The following GAS6 variants were observed in gnomAD, a reference collection of about 807,000 sequenced individuals.
The protein encoded by GAS6 is growth arrest-specific protein 6.
Under a neutral mutation model 75.8 loss-of-function variants are expected in GAS6, and 41 were observed. The ratio of observed to expected loss-of-function variants is 0.54; its 90% confidence interval spans 0.42 to 0.70. GAS6 has a LOEUF of 0.70. Among genes scored for constraint, GAS6 ranks in the 30% least tolerant of loss-of-function variants. The pLI is 0.00. For missense variants in GAS6, 854 were observed against 940.2 expected, an observed-to-expected ratio of 0.91 and a Z score of 1.20; for synonymous variants, 432 against 412.6, an observed-to-expected ratio of 1.05 and a Z score of -0.57.
chr13:113,837,928 G>A lies in GAS6; in HGVS notation c.589+141C>T. ...CCTGTGCTGCGGCTGGCCTGGGCTT[G>A]TGTAGTCTCTGCAGGATGCCCCATC... On this transcript the variant is annotated intron_variant, in intron 6 of 14. Coordinates refer to ENST00000327773, the MANE Select transcript of GAS6 (RefSeq NM_000820.4). This position sits in a 1 kb window ranked among gnomAD's most constrained non-coding sequence, Gnocchi z 5.1. The A allele has an allele frequency of 1.0e-6, 1 of 976,358 alleles. No homozygotes were observed. Among genetic ancestry groups the A allele is most frequent in the Non-Finnish European group, 1.5e-6 (1 of 658,028 alleles). 60.5% of individuals were successfully genotyped at this position (976,358 alleles called of 1,614,324 possible).
rs142920069 is a variant in GAS6, at chr13:113,834,649, G to A, written c.736C>T (p.Arg246Cys). Residue 246 changes from arginine (R) to cysteine (C), a missense_variant, in exon 8 of 15, where the codon CGC (arginine) becomes TGC (cysteine). By Grantham distance (180) the Arg-to-Cys change is radical (BLOSUM62 -3). Coordinates refer to ENST00000327773, the MANE Select transcript of GAS6 (RefSeq NM_000820.4). Reference protein sequence around the residue: ...CRDVDECLQGRCEQVCVNSPG... With the variant: ...CRDVDECLQGCCEQVCVNSPG... ...GAGTTCACGCAGACCTGCTCACAGC[G>A]GCCCTGCAGACACTCGTCCACATCT... 143 of 1,595,966 alleles carry A rather than the reference G, an allele frequency of 9.0e-5. No homozygotes were observed. The highest frequency in any genetic ancestry group is 1.9e-4 in the Admixed American group (11 of 57,992).
chr13:113,843,424 A>C (rs2051807162), intron 4 of GAS6: 1 of 151,172 alleles, frequency 6.6e-6, no homozygotes, highest in African/African-American at 2.5e-5. Context: ...GCCCGAGGGA[A>C]GGGCGAGGGG....
At chr13:113,829,888 CT>C (rs1336333116) in intron 10 of GAS6, among the ~76,000 whole-genome samples, 1 of 151,412 alleles carries the variant, frequency 6.6e-6, no homozygotes, top group African/African-American at 2.4e-5. Context: ...GGGAGACCCC[CT>C]GATCCACACC....
chr13:113,833,335 C>G lies in GAS6; in HGVS notation c.835-583G>C, dbSNP rs559481734. 6 of 999,322 alleles carry G rather than the reference C, an allele frequency of 6.0e-6. No homozygotes were observed. In the South Asian group the frequency reaches 2.2e-4, roughly 37 times the overall value. 61.9% of individuals were successfully genotyped at this position (999,322 alleles called of 1,614,324 possible). A position where few individuals can be genotyped will look rare whatever the true frequency, so the allele number is the denominator to read the frequency against. On this transcript the variant is annotated intron_variant, in intron 8 of 14. Coordinates refer to ENST00000327773, the MANE Select transcript of GAS6 (RefSeq NM_000820.4). ...CATGAGGCAGCGAGGCAAAGAACCT[C>G]AAGGCGAGGGCTGGCTGGAAGCCCT...
chr13:113,854,415 C>T (rs1483626525), intron 2 of GAS6, among the ~76,000 whole-genome samples: 1 of 152,244 alleles, frequency 6.6e-6, no homozygotes, highest in Non-Finnish European at 1.5e-5. Context: ...AGACTCGCCC[C>T]GCATGGCAGT....
intron 2 of GAS6, among the ~76,000 whole-genome samples, chr13:113,858,568 T>G: frequency 6.6e-6 from 1 of 151,592 alleles, no homozygotes; most frequent in African/African-American, 2.4e-5. Context: ...TGCCTTTGTG[T>G]GTGCATGTCT....
At chr13:113,856,183 C>T (rs777781100) in intron 2 of GAS6, among the ~76,000 whole-genome samples, 5 of 152,232 alleles carry the variant, frequency 3.3e-5, no homozygotes, top group South Asian at 2.1e-4. Context: ...TCCCCGCAGC[C>T]GCCCTGTGCT....
chr13:113,833,644 G>A lies in GAS6; in HGVS notation c.835-892C>T, dbSNP rs965318512. ...AGGTCGGTGTGACAGGCACCAGTGT[G>A]ACAGGCACCAGTGTGACAGGTCGGT... On this transcript the variant is annotated intron_variant, in intron 8 of 14. Transcript: ENST00000327773. 109 of 1,009,064 alleles carry A rather than the reference G, an allele frequency of 1.1e-4. No individual in the cohort carries two copies. In the African/African-American group the frequency reaches 1.8e-3, roughly 17 times the overall value. 62.5% of individuals were successfully genotyped at this position (1,009,064 alleles called of 1,614,324 possible).
At position 113,834,855 on chromosome 13, in the gene GAS6, T is replaced by C. The variant is rs184750541; in HGVS notation, c.713-183A>G. The stretch of plus-strand genomic sequence containing the variant: ...GGAAAGCTAGGTTGCACCCTCGGCC[T>C]GCTCCTGCCCGGGCTCTTTCTTGAG... On this transcript the variant is annotated intron_variant, in intron 7 of 14. Coordinates refer to ENST00000327773, the MANE Select transcript of GAS6 (RefSeq NM_000820.4). The C allele has an allele frequency of 2.3e-3, 1,164 of 516,628 alleles. 5 individuals carry two copies. The highest frequency in any genetic ancestry group is 2.5e-3 in the Non-Finnish European group (793 of 323,556). The allele number at this position is 516,628 out of a possible 1,614,324, so 32.0% of individuals were successfully genotyped here.
intron 2 of GAS6, among the ~76,000 whole-genome samples, chr13:113,856,952 G>C (rs929423137): frequency 6.6e-6 from 1 of 152,182 alleles, no homozygotes; most frequent in Admixed American, 6.5e-5. Flanking sequence ...CAGCCTGGCC[G>C]AACGTTTGGC....
chr13:113,830,324 G>A (rs941338781), intron 10 of GAS6, among the ~76,000 whole-genome samples: 24 of 152,098 alleles, frequency 1.6e-4, no homozygotes, highest in Non-Finnish European at 2.9e-4. Context: ...TGCTGCGGCC[G>A]CTGTGAGTCA....
rs775336302 is a variant in GAS6 at position 113,820,817 on chromosome 13, G to A, written c.*47C>T. On this transcript the variant is annotated 3_prime_UTR_variant, in exon 15 of 15. Transcript: ENST00000327773. ...GGTGAGGAGCCCCCAGGCTCCTCCC[G>A]GCTGTCTCGGACAGAGACTGAGAAG... The A allele has an allele frequency of 1.1e-5, 18 of 1,569,866 alleles. No homozygotes were observed. The highest frequency in any genetic ancestry group is 2.3e-4 in the Middle Eastern group (1 of 4,384).
chr13:113,852,108 A>C (rs1355060046), intron 2 of GAS6, among the ~76,000 whole-genome samples: 1 of 152,258 alleles, frequency 6.6e-6, no homozygotes, highest in Non-Finnish European at 1.5e-5. Flanking sequence ...CTCTGGCGCA[A>C]CTGTGAGTGG....
Position 113,838,148 on chromosome 13 carries a change from G to C in GAS6, c.510C>G (p.Ile170Met), listed in dbSNP as rs1484376406. ...CSQENGGCLQICHNKPGSFHC... is the reference protein window; with the variant it reads ...CSQENGGCLQMCHNKPGSFHC... ...GGAAGCTACCCGGCTTGTTGTGGCA[G>C]ATCTGGAGGCAGCCCCCGTTCTCCT... is the stretch of plus-strand genomic sequence containing the variant. Residue 170 changes from isoleucine to methionine, a missense_variant, in exon 6 of 15, where the codon ATC becomes ATG. Ile to Met is a conservative substitution (Grantham distance 10). Transcript: ENST00000327773. 3 of 1,612,966 alleles carry C rather than the reference G, an allele frequency of 1.9e-6. No individual in the cohort carries two copies. The African/African-American group carries it at 4.0e-5, about 21-fold the overall frequency.
intron 6 of GAS6, chr13:113,835,969 G>A (rs1417429117): frequency 1.2e-5 from 13 of 1,089,978 alleles, no homozygotes; most frequent in East Asian, 1.1e-4. Context: ...ACACGGGGCC[G>A]TAAAAAGTAA....
chr13:113,858,647 CT>C (rs2051936202), intron 2 of GAS6, among the ~76,000 whole-genome samples: 1 of 133,168 alleles, frequency 7.5e-6, no homozygotes, highest in Non-Finnish European at 1.6e-5. Flanking sequence ...GTGTTTGTGA[CT>C]GTATGTGTAC....
chr13:113,856,635 G>A (rs2051917222), intron 2 of GAS6, among the ~76,000 whole-genome samples: 1 of 152,200 alleles, frequency 6.6e-6, no homozygotes, highest in Non-Finnish European at 1.5e-5. Flanking sequence ...AATTGTCAGG[G>A]TTGAAATAAA....
chr13:113,834,215 G>A (rs2051670413), intron 8 of GAS6, among the ~76,000 whole-genome samples: 1 of 150,466 alleles, frequency 6.6e-6, no homozygotes, highest in Non-Finnish European at 1.5e-5. Flanking sequence ...GCCCCGGTGT[G>A]ACAGGTCGGT....
chr13:113,838,277 C>T (rs2051737926), intron 5 of GAS6, 86 bp from the exon 6 acceptor site: 1 of 1,549,510 alleles, frequency 6.5e-7, no homozygotes, highest in South Asian at 1.1e-5. Context: ...GTGCACAGCC[C>T]AGCCCTGGAG....
Sources: gnomAD v4.1 joint callset for allele counts (sites outside exome capture counted in the v4.1 genomes callset) on GRCh38, gnomAD v4.1.1 for gene constraint, Gnocchi (gnomAD v3.1) non-coding constraint, MANE v1.5 for transcripts, NCBI Gene and HGNC (gene_info 2026-07-23, HGNC 2026-07-21) for gene names.